The following CCDC60 variants were observed in gnomAD, a reference collection of about 807,000 sequenced individuals.
CCDC60 encodes the protein coiled-coil domain-containing protein 60.
In CCDC60, 54 loss-of-function variants were observed where a neutral mutation model predicts 63.5. That is an observed-to-expected ratio of 0.85 (90% CI 0.68 to 1.07). CCDC60 has a LOEUF of 1.07. Among genes scored for constraint, CCDC60 ranks in the 50% least tolerant of loss-of-function variants. CCDC60 has a pLI of 0.00. For synonymous variants in CCDC60, 206 were observed against 238.8 expected (o/e 0.86, Z 1.27); for missense variants, 651 against 684.3 (o/e 0.95, Z 0.54).
intron 7 of CCDC60, among the ~76,000 whole-genome samples, chr12:119,513,281 T>C (rs1952261227): frequency 6.6e-6 from 1 of 152,190 alleles, no homozygotes; most frequent in African/African-American, 2.4e-5. Flanking sequence ...TTTCCAACTT[T>C]TTGGAGTGTC....
At chr12:119,346,867 G>A (rs374442174) in intron 1 of CCDC60, among the ~76,000 whole-genome samples, 93 of 144,136 alleles carry the variant, frequency 6.5e-4, no homozygotes, top group African/African-American at 2.2e-3. Flanking sequence ...CTCTGTCACC[G>A]AGGCTGGAGA....
At chr12:119,495,483 C>T (rs1951698389) in intron 5 of CCDC60, among the ~76,000 whole-genome samples, 2 of 152,164 alleles carry the variant, frequency 1.3e-5, no homozygotes, top group Non-Finnish European at 2.9e-5. Context: ...TAAGGAGCAT[C>T]TCTCCAGATC....
intron 13 of CCDC60, among the ~76,000 whole-genome samples, chr12:119,531,727 T>C (rs976510469): frequency 3.3e-5 from 5 of 152,122 alleles, no homozygotes; most frequent in Non-Finnish European, 5.9e-5. Flanking sequence ...TCCCAGGGGA[T>C]TGGAGAGGTC....
intron 1 of CCDC60, among the ~76,000 whole-genome samples, chr12:119,418,949 C>G (rs1162945053): frequency 6.6e-6 from 1 of 152,236 alleles, no homozygotes; most frequent in African/African-American, 2.4e-5. Context: ...GCAGGCGGCA[C>G]AGGTAGCTGA....
chr12:119,371,881 G>A (rs890998514), intron 1 of CCDC60, among the ~76,000 whole-genome samples: 3 of 152,192 alleles, frequency 2.0e-5, no homozygotes, highest in African/African-American at 7.2e-5. Flanking sequence ...CTGAGTCTCT[G>A]TGATGATGCC....
intron 7 of CCDC60, among the ~76,000 whole-genome samples, chr12:119,505,625 G>T (rs975351160): frequency 1.3e-5 from 2 of 152,220 alleles, no homozygotes; most frequent in African/African-American, 4.8e-5. Flanking sequence ...GGAAGCTGAG[G>T]CAGGCAGATC....
At chr12:119,365,860 A>G (rs933720978) in intron 1 of CCDC60, among the ~76,000 whole-genome samples, 29 of 152,202 alleles carry the variant, frequency 1.9e-4, no homozygotes, top group Non-Finnish European at 2.6e-4. Flanking sequence ...CTAACAGCCT[A>G]TGGAGATCAG....
At chr12:119,338,374 G>A (rs1216854843) in intron 1 of CCDC60, among the ~76,000 whole-genome samples, 1 of 152,084 alleles carries the variant, frequency 6.6e-6, no homozygotes, top group East Asian at 1.9e-4. Context: ...CATGTGCCAC[G>A]TATTGAACTC....
chr12:119,469,647 G>T (rs1256534273), intron 2 of CCDC60, among the ~76,000 whole-genome samples: 1 of 152,280 alleles, frequency 6.6e-6, no homozygotes, highest in African/African-American at 2.4e-5. Context: ...CCCAGCGGGG[G>T]CAATTGTGCA....
chr12:119,408,833 A>C (rs1452380515), intron 1 of CCDC60, among the ~76,000 whole-genome samples: 1 of 145,488 alleles, frequency 6.9e-6, no homozygotes, highest in Non-Finnish European at 1.5e-5. Context: ...TCAAAAAAAA[A>C]ACAAAGAGTA....
intron 1 of CCDC60, among the ~76,000 whole-genome samples, chr12:119,353,130 CACAAA>C (rs1955673983): frequency 6.6e-6 from 1 of 151,788 alleles, no homozygotes; most frequent in Non-Finnish European, 1.5e-5. Flanking sequence ...CAGGGTCACT[CACAAA>C]ACAAAGTGTC....
chr12:119,462,506 A>T (rs1950872867), intron 2 of CCDC60, among the ~76,000 whole-genome samples: 1 of 152,014 alleles, frequency 6.6e-6, no homozygotes, highest in African/African-American at 2.4e-5. Flanking sequence ...GTCTCACTTT[A>T]AAAAAAATTT....
intron 13 of CCDC60, among the ~76,000 whole-genome samples, chr12:119,533,205 A>G (rs961477628): frequency 3.3e-5 from 5 of 152,170 alleles, no homozygotes; most frequent in African/African-American, 1.2e-4. Context: ...TGTTGGCTGC[A>G]TAAATGTCTT....
intron 2 of CCDC60, among the ~76,000 whole-genome samples, chr12:119,436,833 G>A (rs559868556): frequency 1.9e-4 from 29 of 152,246 alleles, no homozygotes; most frequent in East Asian, 1.9e-4. Flanking sequence ...CACTGTGCCC[G>A]GCCGAGTGAT....
intron 1 of CCDC60, among the ~76,000 whole-genome samples, chr12:119,353,479 CGTCTCT>C (rs538623470): frequency 0.014 from 1,398 of 96,968 alleles, 6 homozygotes; most frequent in Admixed American, 0.022. Context: ...CATCTCTCTC[CGTCTCT>C]GTCTCTGTCT....
At chr12:119,493,534 GAA>G (rs3214102) in intron 5 of CCDC60, among the ~76,000 whole-genome samples, 3 of 144,662 alleles carry the variant, frequency 2.1e-5, no homozygotes, top group African/African-American at 7.6e-5. Context: ...GCTTTATTGA[GAA>G]AAAAAAAAAC....
intron 1 of CCDC60, among the ~76,000 whole-genome samples, chr12:119,382,428 G>A (rs1956016673): frequency 6.6e-6 from 1 of 152,170 alleles, no homozygotes; most frequent in Admixed American, 6.5e-5. Context: ...TGACACAGAA[G>A]GGGAACAGGG....
chr12:119,457,871 T>C (rs1780575671), intron 2 of CCDC60, among the ~76,000 whole-genome samples: 1 of 152,250 alleles, frequency 6.6e-6, no homozygotes, highest in Non-Finnish European at 1.5e-5. Context: ...CTCACCTTCT[T>C]GTCAATTTGG....
chr12:119,430,667 C>CA (rs57881806), intron 2 of CCDC60, among the ~76,000 whole-genome samples: 42 of 106,014 alleles, frequency 4.0e-4, no homozygotes, highest in East Asian at 9.2e-4. Context: ...ACTCTGTCTC[C>CA]AAAAAAAAAA....
Sources: allele counts gnomAD v4.1 joint callset (sites outside exome capture counted in the v4.1 genomes callset), GRCh38; gene constraint gnomAD v4.1.1; transcripts MANE v1.5; gene names NCBI Gene and HGNC (gene_info 2026-07-23, HGNC 2026-07-21).